The following BRD8 variants were observed in gnomAD, a reference collection of about 807,000 sequenced individuals.
BRD8 encodes the protein bromodomain-containing protein 8.
A neutral mutation model predicts 143.1 loss-of-function variants in BRD8; 67 were observed. The observed-to-expected ratio is 0.47, with a 90% CI of 0.38 to 0.57. The LOEUF is 0.57. Among genes scored for constraint, BRD8 ranks in the 20% least tolerant of loss-of-function variants. The pLI, the probability that BRD8 is intolerant of heterozygous loss-of-function variation, is 0.00. For synonymous variants in BRD8, 505 were observed against 517.1 expected (o/e 0.98, Z 0.32); for missense variants, 1,103 against 1,503.0 (o/e 0.73, Z 4.40).
intron 10 of BRD8, 79 bp downstream of exon 10, chr5:138,166,437 CGG>C: frequency 1.2e-6 from 1 of 819,088 alleles, no homozygotes; most frequent in Non-Finnish European, 1.9e-6. Flanking sequence ...GCATCTGAAT[CGG>C]AGCTGATGCT....
chr5:138,177,594 G>T lies in BRD8; in HGVS notation c.93C>A (p.Val31=). The change falls in exon 2 of 27, where the codon GTC becomes GTA. Residue 31 remains valine (V), a synonymous_variant. Coordinates refer to ENST00000254900, the MANE Select transcript of BRD8 (RefSeq NM_139199.2). ...ACCAATTTTGATCGCCACTTCTCAT[G>T]ACAGAAGATGCTAAACATAGCTTCT... ...IREKLCLASS[V]MRSGDQNWVS... is the part of the protein sequence containing the mutation. 1.2e-6 allele frequency: 2 copies of T among 1,610,778 alleles called. No homozygotes were observed. The highest frequency in any genetic ancestry group is 2.2e-5 in the South Asian group (2 of 90,896).
chr5:138,169,073 TCA>T lies in BRD8; in HGVS notation c.642+147_642+148del, dbSNP rs1753666920. 3 of 857,790 alleles carry T rather than the reference TCA, an allele frequency of 3.5e-6. No homozygotes were observed. In the Admixed American group the frequency reaches 9.4e-5, roughly 27 times the overall value. 53.1% of individuals were successfully genotyped at this position (857,790 alleles called of 1,614,324 possible). A position where few individuals can be genotyped will look rare whatever the true frequency, so the allele number is the denominator to read the frequency against. ...CAATGCTTTTAGGTCCGTTCTTATC[TCA>T]GAGCACAGAACATGGTAAATTAAGT... On this transcript the variant is annotated intron_variant, in intron 8 of 26. Transcript: ENST00000254900.
intron 14 of BRD8, 129 bp from the exon 15 acceptor site, chr5:138,163,473 G>A (rs1753164671): frequency 7.4e-7 from 1 of 1,351,340 alleles, no homozygotes; most frequent in Non-Finnish European, 1.0e-6. Flanking sequence ...TGACTCAGCT[G>A]TCTATCACTT....
Position 138,164,097 on chromosome 5 carries a change from C to T in BRD8, c.1862G>A (p.Ser621Asn). 6 of 1,614,050 alleles carry T rather than the reference C, an allele frequency of 3.7e-6. No individual in the cohort carries two copies. Among genetic ancestry groups the T allele is most frequent in the Non-Finnish European group, 5.1e-6 (6 of 1,179,962 alleles). The stretch of plus-strand genomic sequence containing the variant: ...AAAAGTCTGAAATACCTTTATCTGG[C>T]TTCCAAAAATAGTCCCTGATTCTTC... ...LKEESGTIFG[S>N]QIKDAPGEDE... is the part of the protein sequence containing the mutation. The change falls in exon 14 of 27, where the codon AGC becomes AAC. Residue 621 changes from serine to asparagine, a missense_variant. Transcript: ENST00000254900.
At chr5:138,173,970 C>T (rs533918529) in intron 2 of BRD8, among the ~76,000 whole-genome samples, 1 of 152,164 alleles carries the variant, frequency 6.6e-6, no homozygotes, top group African/African-American at 2.4e-5. Flanking sequence ...AGCCATTGCA[C>T]CCAGCCCCAT....
At chr5:138,157,133 C>T in intron 20 of BRD8, 2 of 1,599,758 alleles carry the variant, frequency 1.3e-6, no homozygotes, top group Non-Finnish European at 1.7e-6. Context: ...ACCTCTGGAA[C>T]TGGGCCCGCA....
chr5:138,159,097 G>A (rs1198369473), intron 20 of BRD8, among the ~76,000 whole-genome samples: 1 of 152,070 alleles, frequency 6.6e-6, no homozygotes, highest in African/African-American at 2.4e-5. Context: ...AGCCTATACT[G>A]AGTTCTTTAG....
chr5:138,157,360 G>GA, intron 20 of BRD8: 1 of 1,515,726 alleles, frequency 6.6e-7, no homozygotes, highest in Admixed American at 1.7e-5. Flanking sequence ...TTTCTTGGGG[G>GA]AGAGGGAAGA....
chr5:138,145,341 A>T, intron 24 of BRD8, 96 bp from the exon 25 acceptor site: 1 of 1,035,708 alleles, frequency 9.7e-7, no homozygotes, highest in Non-Finnish European at 1.4e-6. Flanking sequence ...CCTTTAGGGG[A>T]ATGCAGACTG....
chr5:138,158,261 C>T (rs1214120637), intron 20 of BRD8, among the ~76,000 whole-genome samples: 2 of 152,146 alleles, frequency 1.3e-5, no homozygotes, highest in Non-Finnish European at 2.9e-5. Flanking sequence ...GACCTTAAGA[C>T]CATGTAGTTT....
chr5:138,174,660 G>T (rs917458013), intron 2 of BRD8, among the ~76,000 whole-genome samples: 1 of 151,862 alleles, frequency 6.6e-6, no homozygotes, highest in African/African-American at 2.4e-5. Context: ...AAAGGGAAGA[G>T]ATGTGACTTT....
chr5:138,174,609 G>T (rs1202153714), intron 2 of BRD8, among the ~76,000 whole-genome samples: 1 of 151,214 alleles, frequency 6.6e-6, no homozygotes, highest in Admixed American at 6.6e-5. Context: ...AAAAAAAGGT[G>T]CAGTTTACTG....
At chr5:138,160,513 A>AC (rs1397681258) in intron 18 of BRD8, among the ~76,000 whole-genome samples, 1 of 152,176 alleles carries the variant, frequency 6.6e-6, no homozygotes, top group Non-Finnish European at 1.5e-5. Context: ...CAAGTTCAAC[A>AC]CCCCAAAAAG....
At position 138,152,838 on chromosome 5, in the gene BRD8, T is replaced by C. The variant is rs373344329; in HGVS notation, c.2578-78A>G. 4.7e-6 allele frequency: 7 copies of C among 1,482,794 alleles called. No homozygotes were observed. The Admixed American group carries it at 8.7e-5, about 18-fold the overall frequency. 91.9% of individuals were successfully genotyped at this position (1,482,794 alleles called of 1,614,324 possible). On this transcript the variant is annotated intron_variant, in intron 20 of 26. Coordinates refer to ENST00000254900, the MANE Select transcript of BRD8 (RefSeq NM_139199.2). ...AGGCATCTCCATCTCCCGAGTTCAG[T>C]AGAAAAATAAGGGGCCAGAAATTTA...
rs372286313 is a variant in BRD8, at chr5:138,150,969, C to T, written c.2896G>A (p.Glu966Lys). 59 of 1,613,918 alleles carry T rather than the reference C, an allele frequency of 3.7e-5. No individual in the cohort carries two copies. In the African/African-American group the frequency reaches 4.4e-4, roughly 12 times the overall value. ...GGAGGGCAGCAGCCTTCACTTGATT[C>T]GTTGCTGCTGATGCACAAGGGCTCC... The part of the protein sequence containing the change: ...LMEPLCISSN[E>K]SSEGCCPPSG... Residue 966 changes from glutamate to lysine, a missense_variant, in exon 22 of 27, where the codon GAA becomes AAA. By Grantham distance (56) the Glu-to-Lys change is moderately conservative (BLOSUM62 1). Transcript: ENST00000254900.
At chr5:138,160,258 C>T (rs947939120) in intron 18 of BRD8, 85 bp from the exon 19 acceptor site, 21 of 896,452 alleles carry the variant, frequency 2.3e-5, no homozygotes, top group Non-Finnish European at 3.6e-5. Flanking sequence ...GTAAATAGAA[C>T]TTTGTATAGT....
rs1343031640 is a variant in BRD8, at chr5:138,177,631, C to T, written c.56G>A (p.Trp19Ter). 6.2e-7 allele frequency: 1 copy of T among 1,608,122 alleles called. No homozygotes were observed. Among genetic ancestry groups the T allele is most frequent in the Non-Finnish European group, 8.5e-7 (1 of 1,178,142 alleles). Residue 19 changes from tryptophan (W) to a stop codon, truncating the protein, a stop_gained, in exon 2 of 27, where the codon TGG (tryptophan) becomes TAG (stop). Transcript: ENST00000254900. LOFTEE classifies it high-confidence loss of function. The stretch of plus-strand genomic sequence containing the variant: ...TAAACATAGCTTCTCTCGGATGGAC[C>T]ATGGCTCTGTGGGGCCAGTGCTTAG... ...KLLSTGPTEP[W>*]SIREKLCLAS...
intron 7 of BRD8, 24 bp from the exon 8 acceptor site, chr5:138,169,382 T>A (rs1753694854): frequency 1.9e-6 from 3 of 1,608,784 alleles, no homozygotes; most frequent in Non-Finnish European, 2.5e-6. Flanking sequence ...GAGAACAATG[T>A]CCAAATCTTC....
intron 2 of BRD8, among the ~76,000 whole-genome samples, chr5:138,175,912 CAAAAAAA>C (rs59338837): frequency 1.1e-4 from 2 of 18,592 alleles, no homozygotes; most frequent in African/African-American, 4.7e-4. Context: ...ACCCTGTCTG[CAAAAAAA>C]AAAAAAAAAA....
Sources: allele counts gnomAD v4.1 joint callset (sites outside exome capture counted in the v4.1 genomes callset), GRCh38; gene constraint gnomAD v4.1.1; transcripts MANE v1.5; gene names NCBI Gene and HGNC (gene_info 2026-07-23, HGNC 2026-07-21).